Variants in GAS2L3 observed in about 807,000 individuals in gnomAD.
GAS2L3 encodes the protein GAS2-like protein 3.
In GAS2L3, 28 loss-of-function variants were observed where a neutral mutation model predicts 37.0. The observed-to-expected ratio is 0.76, with a 90% CI of 0.56 to 1.04. The LOEUF is 1.04. Ranked by LOEUF, GAS2L3 falls within the 50% of genes least tolerant of loss-of-function variation. GAS2L3 has a pLI of 0.00. For synonymous variants in GAS2L3, 290 were observed against 296.6 expected (o/e 0.98, Z 0.23); for missense variants, 793 against 817.6 (o/e 0.97, Z 0.37).
At chr12:100,594,204 C>T (rs2136435992) in intron 2 of GAS2L3, among the ~76,000 whole-genome samples, 1 of 152,058 alleles carries the variant, frequency 6.6e-6, no homozygotes, top group Middle Eastern at 3.4e-3. Context: ...AAACTCTTCA[C>T]TTTTATCCCT....
intron 6 of GAS2L3, among the ~76,000 whole-genome samples, chr12:100,612,967 A>G (rs891379488): frequency 6.6e-6 from 1 of 152,204 alleles, no homozygotes; most frequent in East Asian, 1.9e-4. Flanking sequence ...TTGCCCTCAC[A>G]CAGGGTAAGC....
At chr12:100,618,357 G>T in intron 7 of GAS2L3, 92 bp from the exon 8 acceptor site, 1 of 1,298,784 alleles carries the variant, frequency 7.7e-7, no homozygotes. Context: ...GGATCATATA[G>T]ACTTTACTTC....
chr12:100,589,728 C>A (rs1350567261), intron 1 of GAS2L3, among the ~76,000 whole-genome samples: 6 of 152,056 alleles, frequency 3.9e-5, no homozygotes, highest in Non-Finnish European at 5.9e-5. Flanking sequence ...AACATAGGCA[C>A]ATAGGAAATG....
chr12:100,581,880 A>G lies in GAS2L3; in HGVS notation c.-152+8095A>G, dbSNP rs557122035. ...TCATTTAATTCTTAAATTGTCATTT[A>G]TTTGAGATGGAAATGAGATTTAAAG... On this transcript the variant is annotated intron_variant, in intron 1 of 9. Coordinates refer to ENST00000547754, the MANE Select transcript of GAS2L3 (RefSeq NM_174942.3). Among the ~76,000 whole-genome samples, 3 of 152,206 alleles carry G rather than the reference A, an allele frequency of 2.0e-5. No individual in the cohort carries two copies. The East Asian group carries it at 5.8e-4, about 29-fold the overall frequency.
chr12:100,579,342 C>G (rs1955678949), intron 1 of GAS2L3: 2 of 692,754 alleles, frequency 2.9e-6, no homozygotes, highest in Non-Finnish European at 5.2e-6. Context: ...GCACTGATTA[C>G]TGAAATAGTG....
chr12:100,588,970 T>C (rs1445668001), intron 1 of GAS2L3, among the ~76,000 whole-genome samples: 2 of 152,178 alleles, frequency 1.3e-5, no homozygotes, highest in African/African-American at 4.8e-5. Flanking sequence ...ACTGATTTCA[T>C]ATTGTTAAAA....
chr12:100,613,719 A>G (rs1011519887), intron 6 of GAS2L3, among the ~76,000 whole-genome samples: 1 of 151,494 alleles, frequency 6.6e-6, no homozygotes, highest in Non-Finnish European at 1.5e-5. Flanking sequence ...CTCAGCCTCC[A>G]GAGTAGCTGG....
At chr12:100,610,947 C>G (rs1306978714) in intron 5 of GAS2L3, 1 of 150,856 alleles carries the variant, frequency 6.6e-6, no homozygotes, top group Non-Finnish European at 1.5e-5. Flanking sequence ...CTTTATTAAT[C>G]TGCGTGGAAG....
chr12:100,617,111 A>G (rs1017854088), intron 6 of GAS2L3, among the ~76,000 whole-genome samples: 1 of 151,088 alleles, frequency 6.6e-6, no homozygotes, highest in Non-Finnish European at 1.5e-5. Flanking sequence ...TGCTAATAGT[A>G]TATTGCATTG....
At chr12:100,585,262 C>A (rs999323974) in intron 1 of GAS2L3, among the ~76,000 whole-genome samples, 1 of 149,234 alleles carries the variant, frequency 6.7e-6, no homozygotes, top group Non-Finnish European at 1.5e-5. Flanking sequence ...TTTTTTTCTT[C>A]CCCCAAGATG....
chr12:100,581,674 G>A (rs1251371060), intron 1 of GAS2L3, among the ~76,000 whole-genome samples: 1 of 152,150 alleles, frequency 6.6e-6, no homozygotes. Flanking sequence ...GGAGAAAAAT[G>A]GACTGATCTA....
intron 4 of GAS2L3, 124 bp from the exon 5 acceptor site, chr12:100,601,514 A>G: frequency 1.7e-6 from 1 of 575,486 alleles, no homozygotes; most frequent in South Asian, 2.3e-5. Context: ...TTCTAAGAGT[A>G]AGTATTTAGA....
At chr12:100,594,412 A>G (rs1218673891) in intron 2 of GAS2L3, among the ~76,000 whole-genome samples, 1 of 152,076 alleles carries the variant, frequency 6.6e-6, no homozygotes, top group Non-Finnish European at 1.5e-5. Flanking sequence ...GAATAAGCTT[A>G]TAGTCAAGTT....
intron 5 of GAS2L3, among the ~76,000 whole-genome samples, chr12:100,607,950 G>A (rs901030863): frequency 6.6e-6 from 1 of 152,052 alleles, no homozygotes; most frequent in Non-Finnish European, 1.5e-5. Context: ...TGTTTTCCTG[G>A]ATGGTCTTGA....
intron 1 of GAS2L3, among the ~76,000 whole-genome samples, chr12:100,582,173 T>C (rs1378933524): frequency 6.6e-6 from 1 of 152,184 alleles, no homozygotes; most frequent in Non-Finnish European, 1.5e-5. Flanking sequence ...GGGTAGGTAG[T>C]GGAAAATTAC....
Position 100,594,901 on chromosome 12 carries a change from G to A in GAS2L3, c.-4G>A. ...AAAGAAATTTCATTTCAATATAGGT[G>A]ACTATGCAGCCTGCAATTCAAGTAA... is the stretch of plus-strand genomic sequence containing the variant. On this transcript the variant is annotated 5_prime_UTR_variant, in exon 3 of 10. Transcript: ENST00000547754. 7.4e-7 allele frequency: 1 copy of A among 1,353,804 alleles called. No homozygotes were observed. The highest frequency in any genetic ancestry group is 1.0e-6 in the Non-Finnish European group (1 of 996,394). The allele number at this position is 1,353,804 out of a possible 1,614,324, so 83.9% of individuals were successfully genotyped here.
chr12:100,576,061 A>C (rs987743849), intron 1 of GAS2L3, among the ~76,000 whole-genome samples: 1 of 152,202 alleles, frequency 6.6e-6, no homozygotes, highest in Non-Finnish European at 1.5e-5. Context: ...AATGCATGCT[A>C]TTAGTAAAAA....
At chr12:100,577,302 A>T (rs1593154955) in intron 1 of GAS2L3, among the ~76,000 whole-genome samples, 1 of 152,078 alleles carries the variant, frequency 6.6e-6, no homozygotes, top group African/African-American at 2.4e-5. Context: ...TATATTTTTT[A>T]TGTTAGTGTT....
At chr12:100,597,921 C>T (rs1955935117) in intron 3 of GAS2L3, among the ~76,000 whole-genome samples, 1 of 151,932 alleles carries the variant, frequency 6.6e-6, no homozygotes, top group Non-Finnish European at 1.5e-5. Flanking sequence ...ACTAGATTCA[C>T]TTGGTATTCC....
Sources: gnomAD v4.1 joint callset for allele counts (sites outside exome capture counted in the v4.1 genomes callset) on GRCh38, gnomAD v4.1.1 for gene constraint, MANE v1.5 for transcripts, NCBI Gene and HGNC (gene_info 2026-07-23, HGNC 2026-07-21) for gene names.